SBF2: variants seen among roughly 807,000 people sequenced by gnomAD.
SBF2 encodes the protein SET binding factor 2, also known as myotubularin-related protein 13.
In SBF2, 112 loss-of-function variants were observed where a neutral mutation model predicts 225.2. The observed-to-expected ratio is 0.50, with a 90% confidence interval of 0.43 to 0.58. The LOEUF is 0.58. SBF2 is among the 20% of genes least tolerant of loss of function. SBF2 has a pLI of 0.00. For synonymous variants in SBF2, 763 were observed against 773.3 expected (o/e 0.99, Z 0.22); for missense variants, 1,996 against 2,206.2 (o/e 0.90, Z 1.91).
intron 2 of SBF2, among the ~76,000 whole-genome samples, chr11:10,096,346 T>C (rs1952022959): frequency 1.4e-5 from 2 of 144,844 alleles, no homozygotes; most frequent in South Asian, 4.3e-4. Context: ...ATTTAGTATA[T>C]AACAAAATAA....
intron 24 of SBF2, among the ~76,000 whole-genome samples, chr11:9,844,804 C>T (rs753370378): frequency 4.6e-5 from 7 of 152,118 alleles, no homozygotes; most frequent in Non-Finnish European, 8.8e-5. Context: ...GGGTTTAAAA[C>T]CTAGATGATG....
chr11:10,253,210 T>A (rs957839474), intron 1 of SBF2, among the ~76,000 whole-genome samples: 5 of 151,098 alleles, frequency 3.3e-5, no homozygotes, highest in African/African-American at 1.2e-4. Context: ...TAGAGCGTAG[T>A]GTTAAGGAAT....
At chr11:10,130,428 T>G (rs1031410865) in intron 2 of SBF2, among the ~76,000 whole-genome samples, 4 of 152,158 alleles carry the variant, frequency 2.6e-5, no homozygotes, top group African/African-American at 9.7e-5. Context: ...ACAATTTTTT[T>G]AGTTTTTATT....
At chr11:10,031,278 TTATAA>T (rs1370910762) in intron 3 of SBF2, 108 bp from the exon 4 acceptor site, 7 of 1,046,514 alleles carry the variant, frequency 6.7e-6, no homozygotes, top group African/African-American at 1.6e-5. Context: ...TCAAAATTAA[TTATAA>T]TATAATTTTA....
chr11:10,007,034 T>C (rs533240286), intron 6 of SBF2, among the ~76,000 whole-genome samples: 1 of 152,232 alleles, frequency 6.6e-6, no homozygotes, highest in East Asian at 1.9e-4. Context: ...GTTAACAGAT[T>C]ATCATTATAA....
chr11:9,849,989 G>T, intron 22 of SBF2, 34 bp downstream of exon 22: 1 of 1,582,684 alleles, frequency 6.3e-7, no homozygotes, highest in African/African-American at 1.3e-5. Context: ...GTACCACACA[G>T]ATACCCATGT....
intron 2 of SBF2, among the ~76,000 whole-genome samples, chr11:10,077,822 A>C (rs969041618): frequency 2.6e-5 from 4 of 152,240 alleles, no homozygotes; most frequent in Non-Finnish European, 4.4e-5. Context: ...CTGCACAGCA[A>C]AAGAAACTAT....
intron 2 of SBF2, among the ~76,000 whole-genome samples, chr11:10,094,089 G>A (rs2134931017): frequency 6.6e-6 from 1 of 152,310 alleles, no homozygotes; most frequent in African/African-American, 2.4e-5. Flanking sequence ...CCAGCACTTT[G>A]GGAGGCCAAG....
At chr11:10,043,015 A>G in intron 2 of SBF2, 34 bp from the exon 3 acceptor site, 2 of 1,591,770 alleles carry the variant, frequency 1.3e-6, no homozygotes, top group Non-Finnish European at 1.7e-6. Flanking sequence ...GTAACATTTA[A>G]AAACAATAAA....
At position 9,850,233 on chromosome 11, in the gene SBF2, A is replaced by AGATT. The variant is rs202029370; in HGVS notation, c.2611-19_2611-16dup. On this transcript the variant is annotated splice_polypyrimidine_tract_variant and intron_variant, in intron 21 of 39. Coordinates refer to ENST00000256190, the MANE Select transcript of SBF2 (RefSeq NM_030962.4). The stretch of plus-strand genomic sequence containing the variant: ...AGAATCTTGGGCTTACAACAGAAAA[A>AGATT]GATTGATTGATTGATTGATTGACTA... 1,377 of 1,610,094 alleles carry AGATT rather than the reference A, an allele frequency of 8.6e-4. 5 individuals carry two copies. The highest frequency in any genetic ancestry group is 4.5e-4 in the Non-Finnish European group (534 of 1,178,000).
intron 16 of SBF2, among the ~76,000 whole-genome samples, chr11:9,918,542 T>C (rs1202941877): frequency 1.3e-5 from 2 of 151,804 alleles, no homozygotes; most frequent in Non-Finnish European, 2.9e-5. Context: ...TTGTATTTTA[T>C]TTATTTTTTT....
intron 2 of SBF2, among the ~76,000 whole-genome samples, chr11:10,089,601 T>C (rs1289711943): frequency 6.6e-6 from 1 of 152,150 alleles, no homozygotes; most frequent in Non-Finnish European, 1.5e-5. Flanking sequence ...TGTAAACAAA[T>C]ATTGTATGTA....
chr11:10,193,779 C>G lies in SBF2; in HGVS notation c.141+123G>C, dbSNP rs138225482. 4.9e-5 allele frequency: 36 copies of G among 740,484 alleles called. 1 individual carries two copies. The African/African-American group carries it at 5.4e-4, about 11-fold the overall frequency. 45.9% of individuals were successfully genotyped at this position (740,484 alleles called of 1,614,324 possible). A position where few individuals can be genotyped will look rare whatever the true frequency, so the allele number is the denominator to read the frequency against. ...GGAGGGAAGATAACTATTTCTAGTA[C>G]TGTAATATCTTACAATTAAATTATC... On this transcript the variant is annotated intron_variant, in intron 2 of 39. Transcript: ENST00000256190.
intron 16 of SBF2, among the ~76,000 whole-genome samples, chr11:9,923,743 T>TA (rs757194317): frequency 1.3e-5 from 2 of 152,198 alleles, no homozygotes; most frequent in Non-Finnish European, 2.9e-5. Flanking sequence ...AAAGTATCTG[T>TA]ACCTAATTGA....
At chr11:10,090,242 T>C (rs1386011535) in intron 2 of SBF2, among the ~76,000 whole-genome samples, 1 of 152,214 alleles carries the variant, frequency 6.6e-6, no homozygotes, top group Non-Finnish European at 1.5e-5. Context: ...TTAAAAGTTC[T>C]GGGGATGGAT....
At chr11:9,831,769 T>A (rs1313750846) in intron 27 of SBF2, among the ~76,000 whole-genome samples, 3 of 152,194 alleles carry the variant, frequency 2.0e-5, no homozygotes, top group African/African-American at 7.2e-5. Context: ...TTTGCAGTCA[T>A]TAGTTTGCTG....
rs1336838751 is a variant in SBF2, at chr11:9,787,761, C to T, written c.4933-23G>A. On this transcript the variant is annotated intron_variant, in intron 35 of 39. Transcript: ENST00000256190. The stretch of plus-strand genomic sequence containing the variant: ...TTCCTGCAAAGAAATTAAAAGTTTT[C>T]TGATCAGTATTTCATAGAAATCAGG... The T allele has an allele frequency of 1.9e-6, 3 of 1,600,062 alleles. No homozygotes were observed. In the East Asian group the frequency reaches 6.7e-5, roughly 36 times the overall value.
At chr11:10,269,737 C>T (rs1160664872) in intron 1 of SBF2, among the ~76,000 whole-genome samples, 1 of 152,154 alleles carries the variant, frequency 6.6e-6, no homozygotes, top group Non-Finnish European at 1.5e-5. Context: ...AAGAATCAAG[C>T]TCAGACTATG....
chr11:10,078,177 T>C (rs1368335069), intron 2 of SBF2, among the ~76,000 whole-genome samples: 1 of 151,572 alleles, frequency 6.6e-6, no homozygotes, highest in Non-Finnish European at 1.5e-5. Flanking sequence ...GAAACGCTTT[T>C]ACACTAGTGT....
Sources: gnomAD v4.1 joint callset for allele counts (sites outside exome capture counted in the v4.1 genomes callset) on GRCh38, gnomAD v4.1.1 for gene constraint, MANE v1.5 for transcripts, NCBI Gene and HGNC (gene_info 2026-07-23, HGNC 2026-07-21) for gene names.